Variants in PTPRD observed in about 807,000 individuals in gnomAD.
PTPRD encodes receptor-type tyrosine-protein phosphatase delta.
PTPRD carries 34 observed loss-of-function variants against 214.5 expected under a neutral mutation model. The ratio of observed to expected loss-of-function variants is 0.16; its 90% CI spans 0.12 to 0.21. The LOEUF (loss-of-function observed/expected upper bound fraction) is 0.21, where lower values mean the gene tolerates loss of function less well. Ranked by LOEUF, PTPRD falls within the 10% of genes least tolerant of loss-of-function variation. The pLI, the probability that PTPRD is intolerant of heterozygous loss-of-function variation, is 1.00. For synonymous variants in PTPRD, 1,128 were observed against 845.7 expected (o/e 1.33, Z -5.79); for missense variants, 2,545 against 2,398.7 (o/e 1.06, Z -1.27).
chr9:9,042,977 G>C (rs1353835662), intron 10 of PTPRD, among the ~76,000 whole-genome samples: 1 of 152,172 alleles, frequency 6.6e-6, no homozygotes. Flanking sequence ...GACTGGACTT[G>C]TAGTTTGAAG....
At chr9:9,608,799 A>G (rs1184493831) in intron 7 of PTPRD, among the ~76,000 whole-genome samples, 1 of 152,236 alleles carries the variant, frequency 6.6e-6, no homozygotes, top group Admixed American at 6.5e-5. Context: ...TAGATTTAGC[A>G]GGGTTTGCTT....
chr9:8,894,063 A>G (rs2098574846), intron 11 of PTPRD, among the ~76,000 whole-genome samples: 1 of 152,066 alleles, frequency 6.6e-6, no homozygotes, highest in Non-Finnish European at 1.5e-5. Flanking sequence ...AATAAGAATA[A>G]CCAATCTAGG....
chr9:10,025,985 C>A (rs2096915725), intron 4 of PTPRD, among the ~76,000 whole-genome samples: 1 of 152,184 alleles, frequency 6.6e-6, no homozygotes, highest in East Asian at 1.9e-4. Context: ...ACTCAGGATA[C>A]TTCAAGGCTA....
chr9:8,831,991 T>C (rs1004969450), intron 11 of PTPRD, among the ~76,000 whole-genome samples: 1 of 152,114 alleles, frequency 6.6e-6, no homozygotes, highest in Non-Finnish European at 1.5e-5. Context: ...AGGAAAATTA[T>C]TTGAACAGCA....
At chr9:9,631,801 T>C (rs1273024834) in intron 7 of PTPRD, among the ~76,000 whole-genome samples, 1 of 152,100 alleles carries the variant, frequency 6.6e-6, no homozygotes, top group African/African-American at 2.4e-5. Flanking sequence ...AGAGCCTCAT[T>C]TACACCACAA....
chr9:9,697,016 C>CA (rs1452329029), intron 7 of PTPRD, among the ~76,000 whole-genome samples: 2 of 152,012 alleles, frequency 1.3e-5, no homozygotes, highest in Non-Finnish European at 2.9e-5. Context: ...TTTAAATAGA[C>CA]AACTTATCTG....
At chr9:9,254,073 G>A (rs1011192619) in intron 9 of PTPRD, among the ~76,000 whole-genome samples, 1 of 152,014 alleles carries the variant, frequency 6.6e-6, no homozygotes, top group African/African-American at 2.4e-5. Flanking sequence ...GCCCCACCTG[G>A]AAAATCCAGG....
chr9:10,235,123 C>A (rs188899279), intron 3 of PTPRD, among the ~76,000 whole-genome samples: 57 of 151,936 alleles, frequency 3.8e-4, no homozygotes, highest in African/African-American at 1.3e-3. Context: ...CCTTTCTACA[C>A]CCTCTATTTT....
At chr9:9,925,408 G>A (rs546477951) in intron 5 of PTPRD, among the ~76,000 whole-genome samples, 1 of 151,996 alleles carries the variant, frequency 6.6e-6, no homozygotes, top group Non-Finnish European at 1.5e-5. Context: ...TGAATGTTTG[G>A]TATTTAAGGT....
intron 3 of PTPRD, among the ~76,000 whole-genome samples, chr9:10,044,418 T>A (rs891665448): frequency 1.3e-4 from 20 of 151,732 alleles, no homozygotes; most frequent in African/African-American, 4.6e-4. Context: ...TGTTTTCAGA[T>A]GTAAAAATTG....
intron 3 of PTPRD, among the ~76,000 whole-genome samples, chr9:10,147,968 G>C (rs1015348769): frequency 1.3e-5 from 2 of 152,168 alleles, no homozygotes; most frequent in African/African-American, 2.4e-5. Flanking sequence ...CATTAGAAAA[G>C]TGAAAGTATA....
chr9:8,823,630 A>C (rs765628874), intron 11 of PTPRD, among the ~76,000 whole-genome samples: 1 of 151,824 alleles, frequency 6.6e-6, no homozygotes, highest in Non-Finnish European at 1.5e-5. Context: ...CAGCCTGGGG[A>C]AACAGAGTGA....
chr9:8,553,569 C>A (rs7864527), intron 14 of PTPRD, among the ~76,000 whole-genome samples: 47,272 of 151,976 alleles, frequency 0.31, 12,801 homozygotes, highest in African/African-American at 0.74. Context: ...ATAATAAATA[C>A]GAAAGCTATA....
At chr9:9,788,134 T>A (rs2098939452) in intron 5 of PTPRD, among the ~76,000 whole-genome samples, 1 of 151,868 alleles carries the variant, frequency 6.6e-6, no homozygotes, top group Non-Finnish European at 1.5e-5. Context: ...AAATAAATCA[T>A]GAAGTTATAA....
intron 2 of PTPRD, among the ~76,000 whole-genome samples, chr9:10,407,686 T>C (rs2098386383): frequency 6.6e-6 from 1 of 151,536 alleles, no homozygotes; most frequent in African/African-American, 2.4e-5. Flanking sequence ...TATATCAGTA[T>C]GTTTAAATTC....
intron 8 of PTPRD, among the ~76,000 whole-genome samples, chr9:9,550,837 C>T (rs1454080451): frequency 6.6e-6 from 1 of 151,718 alleles, no homozygotes; most frequent in African/African-American, 2.4e-5. Context: ...TATATAAGTA[C>T]ATGAAAATAT....
intron 7 of PTPRD, among the ~76,000 whole-genome samples, chr9:9,654,105 T>C (rs2096449149): frequency 6.6e-6 from 1 of 152,148 alleles, no homozygotes; most frequent in Non-Finnish European, 1.5e-5. Context: ...GATAATTCAT[T>C]CTTACAAAGG....
intron 2 of PTPRD, among the ~76,000 whole-genome samples, chr9:10,489,436 T>C (rs565508894): frequency 6.6e-6 from 1 of 152,080 alleles, no homozygotes; most frequent in East Asian, 1.9e-4. Context: ...AGGGGAGGGG[T>C]GATGACAGCA....
At chr9:10,117,562 C>A (rs1392954356) in intron 3 of PTPRD, among the ~76,000 whole-genome samples, 1 of 151,452 alleles carries the variant, frequency 6.6e-6, no homozygotes, top group South Asian at 2.1e-4. Context: ...TAACTTCAAT[C>A]TACCTCCTTC....
Sources: allele counts gnomAD v4.1 joint callset (sites outside exome capture counted in the v4.1 genomes callset), GRCh38; gene constraint gnomAD v4.1.1; transcripts MANE v1.5; gene names NCBI Gene and HGNC (gene_info 2026-07-23, HGNC 2026-07-21).